The following NCF2 variants were observed in gnomAD, a reference collection of about 807,000 sequenced individuals.
NCF2 encodes neutrophil cytosol factor 2.
NCF2 carries 45 observed loss-of-function variants against 70.9 expected under a neutral mutation model. The ratio of observed to expected loss-of-function variants is 0.63; its 90% CI spans 0.50 to 0.81. The LOEUF is 0.81. Among genes scored for constraint, NCF2 ranks in the 40% least tolerant of loss-of-function variants. The pLI is 0.00. For synonymous variants in NCF2, 203 were observed against 233.6 expected, an observed-to-expected ratio of 0.87 and a Z score of 1.19; for missense variants, 522 against 631.6, an observed-to-expected ratio of 0.83 and a Z score of 1.86.
chr1:183,568,409 C>T (rs547354656), intron 7 of NCF2, among the ~76,000 whole-genome samples: 10 of 152,010 alleles, frequency 6.6e-5, no homozygotes, highest in African/African-American at 9.6e-5. Flanking sequence ...TCAAGTGATC[C>T]GCCCACCTCA....
chr1:183,582,631 T>C (rs1414834488), intron 2 of NCF2, among the ~76,000 whole-genome samples: 9 of 152,186 alleles, frequency 5.9e-5, no homozygotes, highest in Non-Finnish European at 1.2e-4. Flanking sequence ...TCAGGCATCT[T>C]TGGGATGCTG....
chr1:183,601,304 T>C, the NCF2 span, among the ~76,000 whole-genome samples: 1 of 152,342 alleles, frequency 6.6e-6, no homozygotes, highest in African/African-American at 2.4e-5. Context: ...TGTGTAATTT[T>C]CTGTCGTATA....
chr1:183,589,805 C>T (rs1328120085), intron 1 of NCF2, among the ~76,000 whole-genome samples: 2 of 152,276 alleles, frequency 1.3e-5, no homozygotes, highest in South Asian at 4.1e-4. Flanking sequence ...AGGTGTAAAG[C>T]GCTGGGATAG....
the NCF2 span, among the ~76,000 whole-genome samples, chr1:183,596,741 T>TA: frequency 8.9e-4 from 130 of 146,244 alleles, no homozygotes; most frequent in Admixed American, 1.8e-3. Flanking sequence ...GACTCCATCT[T>TA]AAAAAAAAAA....
Position 183,556,173 on chromosome 1 carries a change from A to G in NCF2, c.1526T>C (p.Val509Ala). Reference protein sequence around the residue: ...CKGKVGIFPKVFVEDCATTDL... With the variant: ...CKGKVGIFPKAFVEDCATTDL... Reference sequence around the variant, plus strand: ...TGTAGTTGCGCAGTCTTCAACAAAAACTTTGGGGAAAATGCCCACCTTCCC... The same window carrying G: ...TGTAGTTGCGCAGTCTTCAACAAAAGCTTTGGGGAAAATGCCCACCTTCCC... The change falls in exon 15 of 15, where the codon GTT becomes GCT. Residue 509 changes from valine (V) to alanine (A), a missense_variant. Transcript: ENST00000367535. 1 of 1,614,116 alleles carries G rather than the reference A, an allele frequency of 6.2e-7. No individual in the cohort carries two copies. The highest frequency in any genetic ancestry group is 8.5e-7 in the Non-Finnish European group (1 of 1,180,014).
chr1:183,597,577 T>C, the NCF2 span, among the ~76,000 whole-genome samples: 3 of 152,234 alleles, frequency 2.0e-5, no homozygotes, highest in Non-Finnish European at 1.5e-5. Context: ...GTGAACATAG[T>C]ACCCGATAGG....
At chr1:183,584,539 C>T (rs1673251671) in intron 2 of NCF2, among the ~76,000 whole-genome samples, 1 of 152,192 alleles carries the variant, frequency 6.6e-6, no homozygotes, top group African/African-American at 2.4e-5. Flanking sequence ...AAACCGTGGC[C>T]TTCCAGATCC....
chr1:183,576,124 A>G (rs1020625617), intron 3 of NCF2, among the ~76,000 whole-genome samples: 3 of 152,212 alleles, frequency 2.0e-5, no homozygotes, highest in African/African-American at 7.2e-5. Context: ...TAATGATGTG[A>G]TTCTCAGAAG....
At chr1:183,563,172 T>G in intron 13 of NCF2, 23 bp downstream of exon 13, 1 of 1,604,520 alleles carries the variant, frequency 6.2e-7, no homozygotes, top group Non-Finnish European at 8.5e-7. Flanking sequence ...AATGTAACTT[T>G]AGATGCCCCT....
chr1:183,577,880 C>T (rs1572167194), intron 2 of NCF2, among the ~76,000 whole-genome samples, 173 bp from the exon 3 acceptor site: 1 of 152,250 alleles, frequency 6.6e-6, no homozygotes, highest in African/African-American at 2.4e-5. Context: ...TTCTATACAA[C>T]TCCTTGGGAA....
chr1:183,601,494 A>T, the NCF2 span, among the ~76,000 whole-genome samples: 5 of 152,148 alleles, frequency 3.3e-5, no homozygotes, highest in African/African-American at 4.8e-5. Flanking sequence ...GCATTTTTTT[A>T]AAAGTATAAC....
chr1:183,556,002 A>AAAC lies in NCF2; in HGVS notation c.*115_*116insGTT. Reference sequence around the variant, plus strand: ...TAGGTTAAATTTTAACAGGGAATAAATAGTTAACACTTCCAAACTGTAATG... The same window carrying AAAC: ...TAGGTTAAATTTTAACAGGGAATAAAAACTAGTTAACACTTCCAAACTGTAATG... On this transcript the variant is annotated 3_prime_UTR_variant, in exon 15 of 15. Coordinates refer to ENST00000367535, the MANE Select transcript of NCF2 (RefSeq NM_000433.4). 1 of 884,720 alleles carries AAAC rather than the reference A, an allele frequency of 1.1e-6. No individual in the cohort carries two copies. Among genetic ancestry groups the AAAC allele is most frequent in the Non-Finnish European group, 1.9e-6 (1 of 535,810 alleles). 54.8% of individuals were successfully genotyped at this position (884,720 alleles called of 1,614,324 possible).
At position 183,590,137 on chromosome 1, in the gene NCF2, AAGAGGCACCTCC is replaced by A; in HGVS notation, c.174+7_174+18del. On this transcript the variant is annotated splice_region_variant and intron_variant, in intron 1 of 14. Coordinates refer to ENST00000367535, the MANE Select transcript of NCF2 (RefSeq NM_000433.4). ...AACAAATGCACAGAGGAGGCCCGGA[AAGAGGCACCTCC>A]ACTCACCTTCTCTGCTTCAGTCATG... The A allele has an allele frequency of 6.2e-7, 1 of 1,614,144 alleles. No individual in the cohort carries two copies. The highest frequency in any genetic ancestry group is 2.2e-5 in the East Asian group (1 of 44,882).
the NCF2 span, among the ~76,000 whole-genome samples, chr1:183,599,112 C>G: frequency 6.6e-6 from 1 of 152,178 alleles, no homozygotes; most frequent in African/African-American, 2.4e-5. Context: ...CCAGGTACAG[C>G]GGCTCATGCC....
chr1:183,560,371 G>GA, intron 13 of NCF2, 98 bp from the exon 14 acceptor site: 2 of 1,334,828 alleles, frequency 1.5e-6, no homozygotes, highest in Non-Finnish European at 2.2e-6. Context: ...TAGAACCTGG[G>GA]ATATAAACTC....
Position 183,564,011 on chromosome 1 carries a change from C to G in NCF2, c.1020G>C (p.Glu340Asp), listed in dbSNP as rs1282929083. ...TATGAGGGAAAAATGTTACCTTAGG[C>G]TCTTCTTTTTGTTTCTGGCCTGAAT... The part of the protein sequence containing the change: ...QLSPGQKQKE[E>D]PKEVKLSVPM... The change falls in exon 11 of 15, where the codon GAG (glutamate) becomes GAC (aspartate). Residue 340 changes from glutamate (E) to aspartate (D), a missense_variant. Transcript: ENST00000367535. 6.2e-7 allele frequency: 1 copy of G among 1,610,822 alleles called. No individual in the cohort carries two copies. Among genetic ancestry groups the G allele is most frequent in the East Asian group, 2.2e-5 (1 of 44,862 alleles).
chr1:183,567,610 T>C, intron 7 of NCF2: 1 of 540,866 alleles, frequency 1.8e-6, no homozygotes, highest in East Asian at 3.6e-5. Flanking sequence ...CTTACAATCC[T>C]TGCCCTCCCT....
intron 2 of NCF2, among the ~76,000 whole-genome samples, chr1:183,584,604 T>G (rs1392676005): frequency 1.3e-5 from 2 of 152,218 alleles, no homozygotes; most frequent in Non-Finnish European, 2.9e-5. Flanking sequence ...TTCACTCTTT[T>G]GCCAGTTGTA....
chr1:183,585,593 C>G (rs988425549), intron 2 of NCF2, among the ~76,000 whole-genome samples: 1 of 136,936 alleles, frequency 7.3e-6, no homozygotes, highest in South Asian at 2.2e-4. Flanking sequence ...CCACTGCACT[C>G]CAGCCTGGGT....
Sources: allele counts gnomAD v4.1 joint callset (sites outside exome capture counted in the v4.1 genomes callset), GRCh38; gene constraint gnomAD v4.1.1; transcripts MANE v1.5; gene names NCBI Gene and HGNC (gene_info 2026-07-23, HGNC 2026-07-21).